TRRAP: variants seen among roughly 807,000 people sequenced by gnomAD.
The protein encoded by TRRAP is transformation/transcription domain associated protein.
In TRRAP, 41 loss-of-function variants were observed where a neutral mutation model predicts 438.8. The ratio of observed to expected loss-of-function variants is 0.09; its 90% CI spans 0.07 to 0.12. The LOEUF (loss-of-function observed/expected upper bound fraction) is 0.12. TRRAP is among the 10% of genes least tolerant of loss of function. The probability of loss-of-function intolerance (pLI) is 1.00; values close to 1 mark genes in which losing one functional copy is unlikely to be tolerated. For missense variants in TRRAP, 3,122 were observed against 5,055.1 expected (o/e 0.62, Z 11.60); for synonymous variants, 1,994 against 1,962.9 (o/e 1.02, Z -0.42).
At chr7:98,957,657 C>T (rs1791680723) in intron 43 of TRRAP, among the ~76,000 whole-genome samples, 1 of 152,190 alleles carries the variant, frequency 6.6e-6, no homozygotes, top group Non-Finnish European at 1.5e-5. Context: ...CTGGCCTTTT[C>T]CCTCCACTGG....
intron 5 of TRRAP, among the ~76,000 whole-genome samples, chr7:98,893,417 C>T (rs191697764): frequency 1.4e-4 from 21 of 152,358 alleles, no homozygotes; most frequent in African/African-American, 4.8e-4. Flanking sequence ...GGAACCCCAT[C>T]CTCACAGAGC....
chr7:98,903,156 G>A (rs1172266500), intron 11 of TRRAP, among the ~76,000 whole-genome samples: 1 of 152,030 alleles, frequency 6.6e-6, no homozygotes, highest in African/African-American at 2.4e-5. Flanking sequence ...CAAGTAGCTG[G>A]GATTACAGGC....
At chr7:98,918,025 CA>C (rs1207490459) in intron 20 of TRRAP, among the ~76,000 whole-genome samples, 1 of 151,224 alleles carries the variant, frequency 6.6e-6, no homozygotes, top group African/African-American at 2.4e-5. Flanking sequence ...GAGGCTGAGG[CA>C]GGGGGATCAC....
intron 5 of TRRAP, 45 bp downstream of exon 5, chr7:98,892,573 C>T (rs1554405105): frequency 3.5e-6 from 5 of 1,438,134 alleles, no homozygotes; most frequent in Non-Finnish European, 4.8e-6. Context: ...GTATGTAAAA[C>T]TTTCACTGAT....
intron 68 of TRRAP, 121 bp downstream of exon 68, chr7:99,004,536 A>G (rs757796753): frequency 1.1e-5 from 9 of 836,836 alleles, no homozygotes; most frequent in African/African-American, 1.7e-5. Context: ...ACATGGGAGA[A>G]CATAAGATGA....
In TRRAP at chr7:98,890,760, ACTGTCTTATTAATGT is replaced by A; in HGVS notation, c.261+317_261+331del. 2.8e-5 allele frequency among the ~76,000 whole-genome samples: 4 copies of A among 141,324 alleles called. No individual in the cohort carries two copies. The Admixed American group carries it at 2.9e-4, about 10-fold the overall frequency. 92.7% of individuals were successfully genotyped at this position (141,324 alleles called of 152,430 possible). A position where few individuals can be genotyped will look rare whatever the true frequency, so the allele number is the denominator to read the frequency against. On this transcript the variant is annotated intron_variant, in intron 4 of 72. Coordinates refer to ENST00000456197, the MANE Select transcript of TRRAP (RefSeq NM_001375524.1). Reference sequence around the variant, plus strand: ...ATACCTATTGCCTAGCTCCAATCTTACTGTCTTATTAATGTCAGTTCTTTTTTTTTTTTTTTTTTT... The same window carrying A: ...ATACCTATTGCCTAGCTCCAATCTTACAGTTCTTTTTTTTTTTTTTTTTTT...
At chr7:98,896,671 A>G (rs1562930093) in intron 7 of TRRAP, among the ~76,000 whole-genome samples, 1 of 152,150 alleles carries the variant, frequency 6.6e-6, no homozygotes, top group Non-Finnish European at 1.5e-5. Flanking sequence ...GGCGTGAGCC[A>G]CTGCACCCAG....
intron 35 of TRRAP, 92 bp from the exon 36 acceptor site, chr7:98,949,325 T>A: frequency 7.5e-7 from 1 of 1,331,046 alleles, no homozygotes; most frequent in Non-Finnish European, 9.7e-7. Context: ...GAAAGATTTT[T>A]AAAAGATTTA....
At position 98,974,004 on chromosome 7, in the gene TRRAP, A is replaced by C. The variant is rs2237599; in HGVS notation, c.7839+2059A>C. Among the ~76,000 whole-genome samples the C allele has an allele frequency of 0.011, 1,607 of 152,174 alleles. 62 individuals carry two copies. The East Asian group carries it at 0.12, about 12-fold the overall frequency. On this transcript the variant is annotated intron_variant, in intron 53 of 72. Coordinates refer to ENST00000456197, the MANE Select transcript of TRRAP (RefSeq NM_001375524.1). Reference sequence around the variant, plus strand: ...TTTGATCTCATTTCATCATTTCAGCATCTTTTTACTGAGAGCCTGCTCTGT... The same window carrying C: ...TTTGATCTCATTTCATCATTTCAGCCTCTTTTTACTGAGAGCCTGCTCTGT...
At chr7:98,985,169 A>T in intron 62 of TRRAP, 125 bp downstream of exon 62, 1 of 633,584 alleles carries the variant, frequency 1.6e-6, no homozygotes, top group Non-Finnish European at 2.7e-6. Flanking sequence ...GTCATTAGGT[A>T]GGATTTTTTA....
chr7:98,963,744 C>G (rs1183857562), intron 47 of TRRAP, among the ~76,000 whole-genome samples: 2 of 152,170 alleles, frequency 1.3e-5, no homozygotes, highest in Admixed American at 6.5e-5. Flanking sequence ...CACCTCATAA[C>G]TGGCAAACAC....
At chr7:98,906,405 TA>T (rs1554407550) in intron 13 of TRRAP, 150 bp downstream of exon 13, 13 of 14,366 alleles carry the variant, frequency 9.0e-4, no homozygotes, top group Middle Eastern at 0.033. Flanking sequence ...GTTTTTGTTT[TA>T]TTTATTTATT....
intron 25 of TRRAP, 33 bp from the exon 26 acceptor site, chr7:98,931,372 C>T (rs1584326434): frequency 6.2e-7 from 1 of 1,605,136 alleles, no homozygotes; most frequent in Middle Eastern, 1.7e-4. Context: ...TGGCATCGCC[C>T]TGCTTTCATT....
intron 58 of TRRAP, among the ~76,000 whole-genome samples, chr7:98,980,737 T>C (rs1792878622): frequency 6.6e-6 from 1 of 152,244 alleles, no homozygotes; most frequent in South Asian, 2.1e-4. Context: ...AGGATAACAA[T>C]ATGAATTGGA....
chr7:98,994,955 G>T lies in TRRAP; in HGVS notation c.10309+107G>T. 6.9e-7 allele frequency: 1 copy of T among 1,442,556 alleles called. No homozygotes were observed. The highest frequency in any genetic ancestry group is 1.3e-5 in the South Asian group (1 of 76,584). 89.4% of individuals were successfully genotyped at this position (1,442,556 alleles called of 1,614,324 possible). On this transcript the variant is annotated intron_variant, in intron 67 of 72. Transcript: ENST00000456197. The surrounding 1 kb of genome is among the most constrained non-coding windows in gnomAD (Gnocchi z 4.8). The stretch of plus-strand genomic sequence containing the variant: ...ATCCTTGGTTTTCTGATCACTGCAC[G>T]GGGCACACTGGTTACACTCTGTTTA...
chr7:98,988,910 T>C lies in TRRAP; in HGVS notation c.9535T>C (p.Tyr3179His). The C allele has an allele frequency of 6.2e-7, 1 of 1,614,136 alleles. No homozygotes were observed. Among genetic ancestry groups the C allele is most frequent in the Non-Finnish European group, 8.5e-7 (1 of 1,180,038 alleles). ...LHLGVSAITC[Y>H]LHACRHQNES... ...CCTGGGCGTGTCTGCCATCACCTGC[T>C]ACCTGCACGCCTGCCGGCATCAGAA... The change falls in exon 63 of 73, where the codon TAC becomes CAC. Residue 3179 changes from tyrosine (Y) to histidine (H), a missense_variant. Physicochemically the swap from Tyr to His is moderately conservative, Grantham distance 83 (BLOSUM62 2). Transcript: ENST00000456197.
chr7:98,937,864 A>C (rs1554414629), intron 30 of TRRAP, 44 bp downstream of exon 30: 1 of 1,544,436 alleles, frequency 6.5e-7, no homozygotes, highest in Non-Finnish European at 8.7e-7. Context: ...ACTTTCAAAA[A>C]ATTAAATTAT....
chr7:98,958,131 C>A, intron 44 of TRRAP, 40 bp downstream of exon 44: 1 of 1,557,510 alleles, frequency 6.4e-7, no homozygotes. Flanking sequence ...CTTCTGCAGA[C>A]CAGAGGCTAC....
chr7:98,937,199 A>C lies in TRRAP; in HGVS notation c.4155A>C (p.Lys1385Asn). The change falls in exon 29 of 73, where the codon AAA (lysine) becomes AAC (asparagine). Residue 1385 changes from lysine (K) to asparagine (N), a missense_variant. Lys to Asn is a moderately conservative substitution (Grantham distance 94). Around this residue, in one of 24 missense-constraint regions of TRRAP, gnomAD observed 84 missense variants for 119.8 expected, o/e 0.70. Coordinates refer to ENST00000456197, the MANE Select transcript of TRRAP (RefSeq NM_001375524.1). The stretch of plus-strand genomic sequence containing the variant: ...ATTACCTTCCTCAGTCCAGGGAGAA[A>C]ATCATCGCTGCACTCTTCAAAGCCC... ...ACNYLPQSREKIIAALFKALN... is the reference protein window; with the variant it reads ...ACNYLPQSRENIIAALFKALN... The C allele has an allele frequency of 2.5e-6, 4 of 1,613,536 alleles. No homozygotes were observed. The highest frequency in any genetic ancestry group is 3.4e-6 in the Non-Finnish European group (4 of 1,179,664).
Sources: allele counts gnomAD v4.1 joint callset (sites outside exome capture counted in the v4.1 genomes callset), GRCh38; gene constraint gnomAD v4.1.1; regional missense constraint gnomAD v4.1.1; non-coding constraint Gnocchi (gnomAD v3.1); transcripts MANE v1.5; gene names NCBI Gene and HGNC (gene_info 2026-07-23, HGNC 2026-07-21).